Variants in CELF2 observed in about 807,000 individuals in gnomAD.
CELF2 encodes the protein CUGBP Elav-like family member 2.
CELF2 carries 8 observed loss-of-function variants against 62.6 expected under a neutral mutation model. The ratio of observed to expected loss-of-function variants is 0.13; its 90% CI spans 0.07 to 0.23. The LOEUF is 0.23. CELF2 is among the 10% of genes least tolerant of loss of function. The pLI is 1.00. For synonymous variants in CELF2, 258 were observed against 250.0 expected (o/e 1.03, Z -0.30); for missense variants, 333 against 671.0 (o/e 0.50, Z 5.56).
chr10:10,765,086 G>C, the CELF2 span, among the ~76,000 whole-genome samples: 2 of 152,180 alleles, frequency 1.3e-5, no homozygotes, highest in African/African-American at 4.8e-5. Context: ...CCCACGGCTT[G>C]ATCTTGTGGG....
chr10:10,818,815 T>C (rs1465718419), intron 1 of CELF2, among the ~76,000 whole-genome samples: 1 of 152,080 alleles, frequency 6.6e-6, no homozygotes. Context: ...TAACCTCGAG[T>C]AATCTGCCTG....
rs3837314 is a variant in CELF2, at chr10:11,268,698, GTT to G, written c.619-1959_619-1958del. Among the ~76,000 whole-genome samples the G allele has an allele frequency of 6.6e-6, 1 of 151,194 alleles. No individual in the cohort carries two copies. Among genetic ancestry groups the G allele is most frequent in the East Asian group, 1.9e-4 (1 of 5,166 alleles). Reference sequence around the variant, plus strand: ...CTCTGACACTTAAATTTCTTGTTTGGTTTTTTTTTTAATTGGCATTTAAATAG... The same window carrying G: ...CTCTGACACTTAAATTTCTTGTTTGGTTTTTTTTAATTGGCATTTAAATAG... On this transcript the variant is annotated intron_variant, in intron 6 of 12. Transcript: ENST00000633077. This position sits in a 1 kb window ranked among gnomAD's most constrained non-coding sequence, Gnocchi z 4.7.
At position 10,957,304 on chromosome 10, in the gene CELF2, GTACA is replaced by G. The variant is rs1371536535; in HGVS notation, c.89+37307_89+37310del. 1.3e-5 allele frequency among the ~76,000 whole-genome samples: 2 copies of G among 152,200 alleles called. No individual in the cohort carries two copies. The highest frequency in any genetic ancestry group is 4.8e-5 in the African/African-American group (2 of 41,460). On this transcript the variant is annotated intron_variant, in intron 2 of 13. Transcript: ENST00000636488. The surrounding 1 kb of genome is among the most constrained non-coding windows in gnomAD (Gnocchi z 4.1). ...TGAAAGAAGTACATTACAGGTAATG[GTACA>G]TTAGCGCTGTGATTGAATTAACATT...
At chr10:10,763,281 G>A in the CELF2 span, among the ~76,000 whole-genome samples, 1 of 152,190 alleles carries the variant, frequency 6.6e-6, no homozygotes, top group African/African-American at 2.4e-5. Flanking sequence ...AACATTTGGC[G>A]GAAGCTTTTT....
intron 1 of CELF2, among the ~76,000 whole-genome samples, chr10:11,095,872 G>C (rs1306049529): frequency 1.3e-5 from 2 of 152,048 alleles, no homozygotes; most frequent in Non-Finnish European, 2.9e-5. Flanking sequence ...TGTGAAAAAG[G>C]ATGCATTTAT....
upstream of CELF2, among the ~76,000 whole-genome samples, chr10:11,003,209 G>C (rs1431791034): frequency 1.3e-5 from 2 of 152,170 alleles, no homozygotes; most frequent in Admixed American, 6.5e-5. This position sits in a 1 kb window ranked among gnomAD's most constrained non-coding sequence, Gnocchi z 4.4. Flanking sequence ...AAAGGAAGTG[G>C]AGAGAGTATA....
the CELF2 span, among the ~76,000 whole-genome samples, chr10:10,471,547 A>G: frequency 6.6e-5 from 10 of 151,774 alleles, no homozygotes; most frequent in East Asian, 3.9e-4. Context: ...ACTTAACCCA[A>G]TGTACTCAGA....
At chr10:10,578,367 T>G in the CELF2 span, among the ~76,000 whole-genome samples, 16,245 of 152,100 alleles carry the variant, frequency 0.11, 1,029 homozygotes, top group Non-Finnish European at 0.15. Context: ...TTAGTTTAAT[T>G]AGATCCTGTT....
intron 2 of CELF2, among the ~76,000 whole-genome samples, chr10:11,192,654 G>A (rs573997955): frequency 6.6e-4 from 100 of 152,344 alleles, no homozygotes; most frequent in Admixed American, 6.5e-3. Context: ...GATCTGGACA[G>A]TATTCATCTC....
chr10:10,689,409 C>A, the CELF2 span, among the ~76,000 whole-genome samples: 5 of 152,234 alleles, frequency 3.3e-5, no homozygotes, highest in Admixed American at 2.0e-4. Flanking sequence ...GTCCCTCCCC[C>A]AACACTTAGG....
At chr10:10,717,316 G>T in the CELF2 span, among the ~76,000 whole-genome samples, 2 of 151,752 alleles carry the variant, frequency 1.3e-5, no homozygotes, top group South Asian at 4.1e-4. Flanking sequence ...GTGCTAGCAT[G>T]TACCTTTAAT....
chr10:11,122,878 G>A (rs1434557857), intron 1 of CELF2, among the ~76,000 whole-genome samples: 1 of 152,136 alleles, frequency 6.6e-6, no homozygotes, highest in Non-Finnish European at 1.5e-5. Context: ...AGTATGTGTC[G>A]GGCACCTGGT....
chr10:10,704,799 A>G, the CELF2 span, among the ~76,000 whole-genome samples: 1 of 152,148 alleles, frequency 6.6e-6, no homozygotes, highest in African/African-American at 2.4e-5. Context: ...TTATGTTCAT[A>G]ATATTCAATA....
the CELF2 span, among the ~76,000 whole-genome samples, chr10:10,717,111 A>AAATTGATTCCTCCCTCATCCATCATTATG: frequency 6.6e-6 from 1 of 152,228 alleles, no homozygotes; most frequent in African/African-American, 2.4e-5. Context: ...AGCTGATGTT[A>AAATTGATTCCTCCCTCATCCATCATTATG]TACCTGTTAC....
In CELF2 at chr10:11,319,814, A is replaced by T. The variant is rs1250016449; in HGVS notation, c.1097-1375A>T. 4.2e-6 allele frequency: 2 copies of T among 471,008 alleles called. No homozygotes were observed. The highest frequency in any genetic ancestry group is 8.8e-6 in the Non-Finnish European group (2 of 227,046). 29.2% of individuals were successfully genotyped at this position (471,008 alleles called of 1,614,324 possible). The stretch of plus-strand genomic sequence containing the variant: ...CTTACATGTGTCCTTTTAATTGAAG[A>T]GGCGAAGTTGGCCAAATAGAAGCAC... On this transcript the variant is annotated intron_variant, in intron 10 of 12. Transcript: ENST00000633077. The surrounding 1 kb of genome is among the most constrained non-coding windows in gnomAD (Gnocchi z 4.4).
At chr10:11,249,352 T>C (rs2137304778) in intron 4 of CELF2, 151 bp downstream of exon 4, 2 of 651,472 alleles carry the variant, frequency 3.1e-6, no homozygotes, top group Middle Eastern at 2.8e-4. Flanking sequence ...CCTGTGTGTC[T>C]GGAGTAATGC....
In CELF2 at chr10:11,227,382, G is replaced by T. The variant is rs2066985240; in HGVS notation, c.354+9875G>T. Among the ~76,000 whole-genome samples, 1 of 152,198 alleles carries T rather than the reference G, an allele frequency of 6.6e-6. No individual in the cohort carries two copies. The highest frequency in any genetic ancestry group is 2.4e-5 in the African/African-American group (1 of 41,454). On this transcript the variant is annotated intron_variant, in intron 3 of 12. Transcript: ENST00000633077. The surrounding 1 kb of genome is among the most constrained non-coding windows in gnomAD (Gnocchi z 4.8). ...AACCAGGCAGCCCACGCCACAGATGGCACAGCAGGATGAACACGGCCCCAT... is the reference window on the plus strand; with the variant it reads ...AACCAGGCAGCCCACGCCACAGATGTCACAGCAGGATGAACACGGCCCCAT...
chr10:11,176,946 C>T (rs2071405243), intron 2 of CELF2, among the ~76,000 whole-genome samples: 1 of 152,248 alleles, frequency 6.6e-6, no homozygotes, highest in South Asian at 2.1e-4. Flanking sequence ...CACTTTAATG[C>T]AGAATGTCTA....
At chr10:10,960,444 A>G (rs1349151667) in intron 2 of CELF2, 1 of 152,258 alleles carries the variant, frequency 6.6e-6, no homozygotes, top group Non-Finnish European at 1.5e-5. Context: ...TCTGTCAGAT[A>G]GAAACATTTA....
Sources: gnomAD v4.1 joint callset for allele counts (sites outside exome capture counted in the v4.1 genomes callset) on GRCh38, gnomAD v4.1.1 for gene constraint, Gnocchi (gnomAD v3.1) non-coding constraint, MANE v1.5 for transcripts, NCBI Gene and HGNC (gene_info 2026-07-23, HGNC 2026-07-21) for gene names.